Variants in NINL observed in about 807,000 individuals in gnomAD.
The protein encoded by NINL is ninein like.
NINL carries 153 observed loss-of-function variants against 160.3 expected under a neutral mutation model. The ratio of observed to expected loss-of-function variants is 0.95; its 90% CI spans 0.84 to 1.09. NINL has a LOEUF of 1.09. Among genes scored for constraint, NINL ranks in the 50% least tolerant of loss-of-function variants. The pLI, the probability that NINL is intolerant of heterozygous loss-of-function variation, is 0.00. For synonymous variants in NINL, 800 were observed against 734.8 expected, an observed-to-expected ratio of 1.09 and a Z score of -1.43; for missense variants, 1,829 against 1,764.0, an observed-to-expected ratio of 1.04 and a Z score of -0.66.
At chr20:25,475,505 C>A (rs2179459) in intron 17 of NINL, among the ~76,000 whole-genome samples, 61,034 of 152,028 alleles carry the variant, frequency 0.4, 13,421 homozygotes, top group East Asian at 0.91. Context: ...ATGCTAAAAT[C>A]CTCAACAAAA....
chr20:25,476,016 AGTTTT>A (rs1319230114), intron 17 of NINL, 22 bp downstream of exon 17: 4 of 1,594,766 alleles, frequency 2.5e-6, no homozygotes, highest in East Asian at 2.2e-5. Flanking sequence ...TGAAGTGTTT[AGTTTT>A]AAGAATGAGT....
At chr20:25,566,778 A>G (rs2065003201) in intron 1 of NINL, among the ~76,000 whole-genome samples, 1 of 151,988 alleles carries the variant, frequency 6.6e-6, no homozygotes. Flanking sequence ...TAGGTGACAC[A>G]GCAAGACCCA....
intron 5 of NINL, among the ~76,000 whole-genome samples, chr20:25,510,184 G>A (rs1186036740): frequency 6.6e-6 from 1 of 152,268 alleles, no homozygotes; most frequent in Non-Finnish European, 1.5e-5. Flanking sequence ...AAGGCTCTGA[G>A]CTCCAGGACC....
chr20:25,550,781 AG>A (rs2064798678), intron 1 of NINL, among the ~76,000 whole-genome samples: 1 of 152,240 alleles, frequency 6.6e-6, no homozygotes, highest in Non-Finnish European at 1.5e-5. Context: ...CTCAGTAAAT[AG>A]AATGTACGAT....
chr20:25,573,421 T>C (rs997251734), intron 1 of NINL, among the ~76,000 whole-genome samples: 6 of 152,188 alleles, frequency 3.9e-5, no homozygotes, highest in African/African-American at 1.4e-4. Context: ...ATTCCAGCCA[T>C]GCGATTAGGA....
intron 1 of NINL, among the ~76,000 whole-genome samples, chr20:25,578,747 C>T (rs2065142896): frequency 6.9e-6 from 1 of 144,622 alleles, no homozygotes; most frequent in Non-Finnish European, 1.5e-5. Context: ...GAGCGGAGAT[C>T]GCCCACTACC....
At chr20:25,536,643 T>G (rs1437015321) in intron 1 of NINL, among the ~76,000 whole-genome samples, 2 of 151,608 alleles carry the variant, frequency 1.3e-5, no homozygotes, top group Admixed American at 1.3e-4. Context: ...TGCTTGAGCC[T>G]GGGGGGCAGA....
At chr20:25,493,237 A>AGGAG (rs1333841936) in intron 10 of NINL, among the ~76,000 whole-genome samples, 1 of 152,174 alleles carries the variant, frequency 6.6e-6, no homozygotes, top group African/African-American at 2.4e-5. Flanking sequence ...GTGTCTCACA[A>AGGAG]GGAGCACTCT....
chr20:25,555,383 A>C (rs895395193), intron 1 of NINL, among the ~76,000 whole-genome samples: 1 of 152,232 alleles, frequency 6.6e-6, no homozygotes. Flanking sequence ...CATAGAGGCT[A>C]TATCTATTTA....
In NINL at chr20:25,476,132, T is replaced by C; in HGVS notation, c.3159A>G (p.Arg1053=). The change falls in exon 17 of 24, where the codon AGA becomes AGG. Residue 1053 remains arginine, a synonymous_variant. Transcript: ENST00000278886. The part of the protein sequence containing the change: ...EEGETKIALE[R]EKDDMETKLL... ...GTTTGGTTTCCATGTCATCCTTCTC[T>C]CTCTCCAGCGCTATTTTGGTCTCCC... 6.2e-7 allele frequency: 1 copy of C among 1,614,198 alleles called. No individual in the cohort carries two copies. The highest frequency in any genetic ancestry group is 2.2e-5 in the East Asian group (1 of 44,874).
rs1362593385 is a variant in NINL at position 25,491,518 on chromosome 20, C to G, written c.1318G>C (p.Glu440Gln). 1.9e-6 allele frequency: 3 copies of G among 1,613,608 alleles called. No individual in the cohort carries two copies. Among genetic ancestry groups the G allele is most frequent in the South Asian group, 1.1e-5 (1 of 91,010 alleles). ...QLTEKKIKHL[E>Q]QGYRERLSLL... ...CTCAGCCTTTCCCGGTACCCCTGCT[C>G]CAGATGCCTGTAACATGTCACACAT... The change falls in exon 11 of 24, where the codon GAG (glutamate) becomes CAG (glutamine). Residue 440 changes from glutamate (E) to glutamine (Q), a missense_variant. Transcript: ENST00000278886.
chr20:25,564,614 G>A (rs1393425767), intron 1 of NINL, among the ~76,000 whole-genome samples: 6 of 151,054 alleles, frequency 4.0e-5, no homozygotes, highest in South Asian at 4.2e-4. Context: ...CACCGCGCCC[G>A]GCCAATTTTT....
Position 25,476,244 on chromosome 20 carries a change from A to T in NINL, c.3047T>A (p.Val1016Asp), listed in dbSNP as rs1191103087. Residue 1016 changes from valine to aspartate, a missense_variant, in exon 17 of 24, where the codon GTT (valine) becomes GAT (aspartate). Coordinates refer to ENST00000278886, the MANE Select transcript of NINL (RefSeq NM_025176.6). ...EPGCHKHSVEVARRGSLPSHL... is the reference protein window; with the variant it reads ...EPGCHKHSVEDARRGSLPSHL... ...GGATGGCAAGGACCCTCTCCTGGCA[A>T]CCTCCACACTGTGCTTGTGACACCC... 2 of 1,613,788 alleles carry T rather than the reference A, an allele frequency of 1.2e-6. No homozygotes were observed. The highest frequency in any genetic ancestry group is 1.7e-6 in the Non-Finnish European group (2 of 1,179,930).
chr20:25,563,857 G>A (rs73337360), intron 1 of NINL, among the ~76,000 whole-genome samples: 1 of 152,162 alleles, frequency 6.6e-6, no homozygotes, highest in Non-Finnish European at 1.5e-5. Flanking sequence ...CTTGTCCTTA[G>A]TGTCAAGAGA....
At chr20:25,462,620 G>T (rs188983678) in intron 19 of NINL, 79 bp from the exon 20 acceptor site, 3 of 1,235,428 alleles carry the variant, frequency 2.4e-6, no homozygotes, top group East Asian at 2.5e-5. Context: ...CCCATCATTG[G>T]CTATATTTTT....
intron 22 of NINL, among the ~76,000 whole-genome samples, chr20:25,456,783 T>C (rs2090693658): frequency 1.3e-5 from 2 of 150,098 alleles, no homozygotes; most frequent in African/African-American, 4.9e-5. Flanking sequence ...ATACAAAAAA[T>C]TAACCAGGCA....
intron 1 of NINL, among the ~76,000 whole-genome samples, chr20:25,546,902 T>C (rs1450103575): frequency 2.0e-5 from 3 of 152,154 alleles, no homozygotes; most frequent in Non-Finnish European, 4.4e-5. Flanking sequence ...AGGCGTCTCA[T>C]CAAGAAGTTG....
intron 1 of NINL, among the ~76,000 whole-genome samples, chr20:25,558,279 C>G (rs2064892742): frequency 6.6e-6 from 1 of 152,192 alleles, no homozygotes; most frequent in Non-Finnish European, 1.5e-5. Context: ...GTGATCTCAG[C>G]TCACTGAAAC....
At chr20:25,537,945 C>T (rs1008033544) in intron 1 of NINL, among the ~76,000 whole-genome samples, 6 of 152,200 alleles carry the variant, frequency 3.9e-5, no homozygotes, top group Admixed American at 3.3e-4. Context: ...CTCTCTCCCT[C>T]CCGCTTTCTC....
Sources: allele counts gnomAD v4.1 joint callset (sites outside exome capture counted in the v4.1 genomes callset), GRCh38; gene constraint gnomAD v4.1.1; transcripts MANE v1.5; gene names NCBI Gene and HGNC (gene_info 2026-07-23, HGNC 2026-07-21).